PKD2L1: variants seen among roughly 807,000 people sequenced by gnomAD.
PKD2L1 encodes polycystin-2-like protein 1.
In PKD2L1, 77 loss-of-function variants were observed where a neutral mutation model predicts 93.0. The observed-to-expected ratio is 0.83, with a 90% confidence interval of 0.69 to 1.00. The LOEUF (loss-of-function observed/expected upper bound fraction) is 1.00, where lower values mean the gene tolerates loss of function less well. Ranked by LOEUF, PKD2L1 falls within the 50% of genes least tolerant of loss-of-function variation. PKD2L1 has a pLI of 0.00. For missense variants in PKD2L1, 977 were observed against 990.9 expected (o/e 0.99, Z 0.19); for synonymous variants, 390 against 388.0 (o/e 1.01, Z -0.06).
At position 100,326,590 on chromosome 10, in the gene PKD2L1, T is replaced by G. The variant is rs536349863; in HGVS notation, c.349+2621A>C. Among the ~76,000 whole-genome samples, 6 of 152,366 alleles carry G rather than the reference T, an allele frequency of 3.9e-5. No homozygotes were observed. In the South Asian group the frequency reaches 1.2e-3, roughly 32 times the overall value. On this transcript the variant is annotated intron_variant, in intron 2 of 15. Transcript: ENST00000318222. ...TGGTCAGATTGTCCGTGGCATATTTTGTCCAGTGCCAGGCATCACATAGAT... is the reference window on the plus strand; with the variant it reads ...TGGTCAGATTGTCCGTGGCATATTTGGTCCAGTGCCAGGCATCACATAGAT...
intron 2 of PKD2L1, among the ~76,000 whole-genome samples, chr10:100,306,207 A>G (rs1477552498): frequency 2.0e-5 from 3 of 152,174 alleles, no homozygotes; most frequent in Non-Finnish European, 4.4e-5. Flanking sequence ...TGCATTTCTA[A>G]TAAGTTCCAA....
intron 11 of PKD2L1, 102 bp downstream of exon 11, chr10:100,292,846 C>A (rs1380553614): frequency 8.3e-7 from 1 of 1,212,006 alleles, no homozygotes; most frequent in East Asian, 2.4e-5. Flanking sequence ...AGATCAGAGG[C>A]CCCTAAACTA....
intron 1 of PKD2L1, 59 bp downstream of exon 1, chr10:100,329,810 G>C: frequency 2.5e-6 from 3 of 1,176,846 alleles, no homozygotes; most frequent in Non-Finnish European, 3.7e-6. Flanking sequence ...CTGCCCAAAA[G>C]CTTTTGGTGA....
At chr10:100,321,601 G>C in intron 2 of PKD2L1, among the ~76,000 whole-genome samples, 1 of 144,162 alleles carries the variant, frequency 6.9e-6, no homozygotes, top group East Asian at 2.0e-4. Flanking sequence ...TTGAGCCTAG[G>C]AGGTTGAGCT....
At chr10:100,301,322 T>A (rs974362947) in intron 2 of PKD2L1, among the ~76,000 whole-genome samples, 2 of 152,152 alleles carry the variant, frequency 1.3e-5, no homozygotes, top group Admixed American at 6.5e-5. Flanking sequence ...AGAGAACCAG[T>A]CTGACTAGAA....
At chr10:100,328,522 G>A (rs1234107357) in intron 2 of PKD2L1, among the ~76,000 whole-genome samples, 1 of 151,736 alleles carries the variant, frequency 6.6e-6, no homozygotes, top group African/African-American at 2.4e-5. Flanking sequence ...ACATGCATCG[G>A]ATATAGTATA....
At position 100,325,705 on chromosome 10, in the gene PKD2L1, C is replaced by A. The variant is rs76062049; in HGVS notation, c.349+3506G>T. On this transcript the variant is annotated intron_variant, in intron 2 of 15. Coordinates refer to ENST00000318222, the MANE Select transcript of PKD2L1 (RefSeq NM_016112.3). ...GAGGTTTAAAGGTATCAGATTAATT[C>A]TTCCTTCCTCACCCTCCACTGCTGG... Among the ~76,000 whole-genome samples the A allele has an allele frequency of 3.9e-5, 6 of 152,264 alleles. No individual in the cohort carries two copies. The East Asian group carries it at 1.2e-3, about 29-fold the overall frequency.
chr10:100,320,048 C>T (rs1849192917), intron 2 of PKD2L1, among the ~76,000 whole-genome samples: 1 of 152,224 alleles, frequency 6.6e-6, no homozygotes, highest in African/African-American at 2.4e-5. Flanking sequence ...AGCACTTTCT[C>T]TGCTGAGGAA....
rs193177501 is a variant in PKD2L1 at position 100,303,908 on chromosome 10, G to A, written c.350-4190C>T. Among the ~76,000 whole-genome samples the A allele has an allele frequency of 2.6e-3, 401 of 152,302 alleles. 2 individuals are homozygous for A. The highest frequency in any genetic ancestry group is 9.1e-3 in the African/African-American group (380 of 41,562). ...TGTCACATCTTCTGAGTAGCCACTAGGTGGTACTCATTGCTACAGCTTTTC... is the reference window on the plus strand; with the variant it reads ...TGTCACATCTTCTGAGTAGCCACTAAGTGGTACTCATTGCTACAGCTTTTC... On this transcript the variant is annotated intron_variant, in intron 2 of 15. Coordinates refer to ENST00000318222, the MANE Select transcript of PKD2L1 (RefSeq NM_016112.3).
chr10:100,328,005 T>G (rs1183102453), intron 2 of PKD2L1, among the ~76,000 whole-genome samples: 1 of 152,194 alleles, frequency 6.6e-6, no homozygotes, highest in Non-Finnish European at 1.5e-5. Context: ...TTCAAAAGAT[T>G]TATGCACCCT....
chr10:100,307,067 C>T (rs1035243521), intron 2 of PKD2L1, among the ~76,000 whole-genome samples: 1 of 152,072 alleles, frequency 6.6e-6, no homozygotes, highest in Admixed American at 6.6e-5. Context: ...CTGACAGAGG[C>T]TCAACATATC....
intron 5 of PKD2L1, 31 bp downstream of exon 5, chr10:100,297,351 C>T: frequency 6.3e-7 from 1 of 1,579,698 alleles, no homozygotes; most frequent in Non-Finnish European, 8.7e-7. Context: ...GAGCCATGGA[C>T]AGGGTGATAA....
chr10:100,315,003 GAA>G (rs1849055294), intron 2 of PKD2L1, among the ~76,000 whole-genome samples: 1 of 10,818 alleles, frequency 9.2e-5, no homozygotes, highest in Non-Finnish European at 1.4e-4. Context: ...AGGAAGGAAG[GAA>G]GGAAGGAAGG....
At chr10:100,298,482 G>A (rs1387106336) in intron 4 of PKD2L1, 80 bp downstream of exon 4, 2 of 1,440,626 alleles carry the variant, frequency 1.4e-6, no homozygotes, top group African/African-American at 1.4e-5. Flanking sequence ...AAGCCTCAGT[G>A]GAAGTGGTTC....
intron 1 of PKD2L1, 74 bp from the exon 2 acceptor site, chr10:100,329,398 C>G (rs925045778): frequency 1.1e-5 from 17 of 1,608,166 alleles, no homozygotes; most frequent in African/African-American, 1.3e-5. Context: ...CCATCTGTCT[C>G]TGGACTTTAG....
At chr10:100,323,654 C>T (rs1027250102) in intron 2 of PKD2L1, among the ~76,000 whole-genome samples, 2 of 152,296 alleles carry the variant, frequency 1.3e-5, no homozygotes, top group South Asian at 4.1e-4. Context: ...TTAACATATC[C>T]ATCATCTCAA....
chr10:100,306,114 G>A (rs1283036931), intron 2 of PKD2L1, among the ~76,000 whole-genome samples: 1 of 152,090 alleles, frequency 6.6e-6, no homozygotes. Flanking sequence ...AGTGAGCCAA[G>A]ATCATCTCAA....
intron 2 of PKD2L1, among the ~76,000 whole-genome samples, chr10:100,327,065 G>A (rs1849395412): frequency 6.6e-6 from 1 of 152,200 alleles, no homozygotes; most frequent in South Asian, 2.1e-4. Context: ...AAAAGGAAGT[G>A]AGCCTCTGAG....
intron 2 of PKD2L1, among the ~76,000 whole-genome samples, chr10:100,317,714 C>T (rs566418697): frequency 6.6e-6 from 1 of 152,046 alleles, no homozygotes; most frequent in Non-Finnish European, 1.5e-5. Flanking sequence ...AAATATGTTT[C>T]GGGGTAAGAG....
Sources: gnomAD v4.1 joint callset for allele counts (sites outside exome capture counted in the v4.1 genomes callset) on GRCh38, gnomAD v4.1.1 for gene constraint, MANE v1.5 for transcripts, NCBI Gene and HGNC (gene_info 2026-07-23, HGNC 2026-07-21) for gene names.